The following DIABLO variants were observed in gnomAD, a reference collection of about 807,000 sequenced individuals.
DIABLO encodes diablo homolog, mitochondrial.
A neutral mutation model predicts 31.7 loss-of-function variants in DIABLO; 32 were observed. That is an observed-to-expected ratio of 1.01 (90% CI 0.76 to 1.35). DIABLO has a LOEUF of 1.35. Among genes scored for constraint, DIABLO ranks in the 40% most tolerant of loss-of-function variants. The pLI is 0.00. For synonymous variants in DIABLO, 132 were observed against 103.2 expected, an observed-to-expected ratio of 1.28 and a Z score of -1.69; for missense variants, 316 against 286.4, an observed-to-expected ratio of 1.10 and a Z score of -0.75.
intron 1 of DIABLO, chr12:122,225,601 C>G (rs1954443147): frequency 8.2e-7 from 1 of 1,221,302 alleles, no homozygotes; most frequent in African/African-American, 1.6e-5. Context: ...AGGACGTCTT[C>G]AGACGCTCGT....
intron 2 of DIABLO, chr12:122,221,046 T>C (rs1414169275): frequency 6.6e-6 from 1 of 152,262 alleles, no homozygotes; most frequent in Non-Finnish European, 1.5e-5. Flanking sequence ...AAAAGTCACA[T>C]CTAGACCTCA....
In DIABLO at chr12:122,208,463, ATC is replaced by A; in HGVS notation, c.636_637del (p.Gln212HisfsTer17). ...CTGTGTTTTCTGACGGAGCTCTTCT[ATC>A]TGTGCTTCTGCCAGCTTGGTTTCTG... On this transcript the variant is annotated frameshift_variant, in exon 6 of 6. Transcript: ENST00000464942. LOFTEE classifies it high-confidence loss of function. 6.2e-7 allele frequency: 1 copy of A among 1,613,916 alleles called. No individual in the cohort carries two copies. The highest frequency in any genetic ancestry group is 8.5e-7 in the Non-Finnish European group (1 of 1,179,962).
chr12:122,216,367 G>C, intron 5 of DIABLO, 121 bp downstream of exon 5: 1 of 821,080 alleles, frequency 1.2e-6, no homozygotes, highest in Non-Finnish European at 2.0e-6. Flanking sequence ...ATTTCTCAAA[G>C]TGAGAGCCAC....
intron 3 of DIABLO, 36 bp downstream of exon 3, chr12:122,218,230 A>G (rs1349106399): frequency 5.0e-6 from 8 of 1,613,306 alleles, no homozygotes; most frequent in African/African-American, 4.0e-5. Flanking sequence ...TTGCTAAACC[A>G]TGGTTTAGAA....
At chr12:122,215,011 T>A (rs570921509) in intron 5 of DIABLO, among the ~76,000 whole-genome samples, 2 of 152,298 alleles carry the variant, frequency 1.3e-5, no homozygotes, top group South Asian at 4.1e-4. Context: ...AGTTTCTTAA[T>A]AAGAACTAGT....
chr12:122,213,756 T>G (rs1041780758), intron 5 of DIABLO, among the ~76,000 whole-genome samples: 1 of 152,096 alleles, frequency 6.6e-6, no homozygotes, highest in Non-Finnish European at 1.5e-5. Flanking sequence ...TCCAAATCTC[T>G]GATCCCTCAG....
At chr12:122,227,289 T>A, upstream of DIABLO, 1 of 432,934 alleles carries the variant, frequency 2.3e-6, no homozygotes. Flanking sequence ...ACACCTCCAA[T>A]GCTGCTTTGC....
chr12:122,225,538 A>G, intron 1 of DIABLO: 2 of 1,097,794 alleles, frequency 1.8e-6, no homozygotes, highest in East Asian at 7.3e-5. Flanking sequence ...AGGAGCCTGC[A>G]GCGCTAGGTA....
intron 5 of DIABLO, among the ~76,000 whole-genome samples, chr12:122,214,687 G>A (rs185211215): frequency 1.4e-4 from 21 of 152,108 alleles, no homozygotes; most frequent in Admixed American, 9.2e-4. Flanking sequence ...AAAGACACGC[G>A]TTGAGTCCCT....
intron 5 of DIABLO, chr12:122,208,918 G>A (rs957996944): frequency 7.8e-6 from 3 of 385,980 alleles, no homozygotes; most frequent in Non-Finnish European, 1.5e-5. Context: ...TTTTGACAAA[G>A]AGATCATGAA....
chr12:122,213,359 GT>G (rs1954130730), intron 5 of DIABLO, among the ~76,000 whole-genome samples: 1 of 151,966 alleles, frequency 6.6e-6, no homozygotes, highest in Non-Finnish European at 1.5e-5. Context: ...GCAAAATCCT[GT>G]CTCTACCGGA....
At position 122,216,151 on chromosome 12, in the gene DIABLO, C is replaced by T. The variant is rs142948360; in HGVS notation, c.523+337G>A. On this transcript the variant is annotated intron_variant, in intron 5 of 5. Transcript: ENST00000464942. ...ATTACTCATCTCAAGTCTCAGCCAA[C>T]GGTGTAATTCTATGATTGTTAATAA... Among the ~76,000 whole-genome samples the T allele has an allele frequency of 7.4e-3, 1,121 of 152,234 alleles. 11 individuals carry two copies. The highest frequency in any genetic ancestry group is 0.012 in the Non-Finnish European group (790 of 68,030).
intron 5 of DIABLO, among the ~76,000 whole-genome samples, chr12:122,211,078 A>T (rs964051150): frequency 2.3e-5 from 1 of 43,390 alleles, no homozygotes; most frequent in African/African-American, 9.3e-5. Context: ...AGTTAAAAGT[A>T]AAAAAAAAAA....
chr12:122,213,096 T>C (rs1306410772), intron 5 of DIABLO, among the ~76,000 whole-genome samples: 1 of 152,110 alleles, frequency 6.6e-6, no homozygotes, highest in Non-Finnish European at 1.5e-5. Flanking sequence ...AATTTTTTTG[T>C]AGAGACAGGG....
chr12:122,214,715 GTTTC>G (rs1469869526), intron 5 of DIABLO, among the ~76,000 whole-genome samples: 6 of 151,892 alleles, frequency 4.0e-5, no homozygotes, highest in Admixed American at 2.0e-4. Context: ...ACTCATCCCA[GTTTC>G]TTTTTTTTTT....
rs563760581 is a variant in DIABLO, at chr12:122,223,769, C to A, written c.183+743G>T. 5.3e-5 allele frequency among the ~76,000 whole-genome samples: 8 copies of A among 152,302 alleles called. 1 individual carries two copies. The South Asian group carries it at 1.5e-3, about 28-fold the overall frequency. On this transcript the variant is annotated intron_variant, in intron 2 of 5. Transcript: ENST00000464942. ...GACCACCTTTATCTAAAACAAAACT[C>A]CCTCCCAGAATTGCCTATTCACTTA...
At chr12:122,210,516 G>A (rs1954059709) in intron 5 of DIABLO, among the ~76,000 whole-genome samples, 1 of 151,674 alleles carries the variant, frequency 6.6e-6, no homozygotes, top group Non-Finnish European at 1.5e-5. Flanking sequence ...GGGACTACAG[G>A]TGCCCACCAC....
chr12:122,225,274 G>T, intron 1 of DIABLO: 1 of 464,890 alleles, frequency 2.2e-6, no homozygotes, highest in Non-Finnish European at 2.9e-6. Flanking sequence ...TGCAATCCCA[G>T]CTACTCGGGA....
chr12:122,218,492 T>TA (rs1242845979), intron 2 of DIABLO, 95 bp from the exon 3 acceptor site: 2 of 1,538,916 alleles, frequency 1.3e-6, no homozygotes, highest in Admixed American at 1.7e-5. Flanking sequence ...TCATGCTGCT[T>TA]AGTGTTTTAG....
Sources: allele counts gnomAD v4.1 joint callset (sites outside exome capture counted in the v4.1 genomes callset), GRCh38; gene constraint gnomAD v4.1.1; transcripts MANE v1.5; gene names NCBI Gene and HGNC (gene_info 2026-07-23, HGNC 2026-07-21).